ZNF626: variants seen among roughly 807,000 people sequenced by gnomAD.
ZNF626 encodes CTC-513N18.7.
Under a neutral mutation model 11.7 loss-of-function variants are expected in ZNF626, and 4 were observed. That is an observed-to-expected ratio of 0.34 (90% CI 0.17 to 0.78). The LOEUF is 0.78. ZNF626 is among the 30% of genes least tolerant of loss of function. The probability of loss-of-function intolerance (pLI) is 0.57; values close to 1 mark genes in which losing one functional copy is unlikely to be tolerated. For missense variants in ZNF626, 588 were observed against 587.1 expected (o/e 1.00, Z -0.01); for synonymous variants, 179 against 198.6 (o/e 0.90, Z 0.83).
At chr19:20,645,395 C>T (rs201829478) in intron 3 of ZNF626, 9 of 1,610,184 alleles carry the variant, frequency 5.6e-6, no homozygotes, top group Non-Finnish European at 7.6e-6. Context: ...TGTGCAGTCT[C>T]TTATATGTCA....
intron 3 of ZNF626, among the ~76,000 whole-genome samples, chr19:20,627,769 A>G (rs536085011): frequency 6.6e-6 from 1 of 152,234 alleles, no homozygotes; most frequent in East Asian, 1.9e-4. Context: ...TTTCATGTAA[A>G]TATATTTTTA....
chr19:20,632,901 C>G (rs1969922850), intron 3 of ZNF626, among the ~76,000 whole-genome samples: 1 of 152,040 alleles, frequency 6.6e-6, no homozygotes. Context: ...CTGTTTTTTT[C>G]CCATCTTTGT....
chr19:20,660,108 A>G (rs1021526876), intron 1 of ZNF626, among the ~76,000 whole-genome samples: 15 of 151,982 alleles, frequency 9.9e-5, no homozygotes, highest in African/African-American at 3.4e-4. Context: ...CTAAACACCA[A>G]AATTAGCCGG....
At chr19:20,648,036 G>A (rs554966169) in intron 1 of ZNF626, among the ~76,000 whole-genome samples, 6 of 151,584 alleles carry the variant, frequency 4.0e-5, no homozygotes, top group East Asian at 4.0e-4. Flanking sequence ...AAAATTAGCC[G>A]GGTGTTGTGG....
intron 3 of ZNF626, among the ~76,000 whole-genome samples, chr19:20,629,750 C>T (rs1427339692): frequency 6.6e-6 from 1 of 152,090 alleles, no homozygotes; most frequent in Non-Finnish European, 1.5e-5. Flanking sequence ...TTCCTCTTTT[C>T]CTAATTGAAT....
chr19:20,661,464 T>C lies in ZNF626; in HGVS notation c.-18A>G, dbSNP rs1970267518. The C allele has an allele frequency of 1.9e-6, 3 of 1,613,526 alleles. No homozygotes were observed. The highest frequency in any genetic ancestry group is 2.2e-5 in the East Asian group (1 of 44,860). ...CTCACCATTTTTGGCTTCCAGGAGG[T>C]CCCGGTGTCTTAGCTGTGGATCTCC... On this transcript the variant is annotated 5_prime_UTR_variant, in exon 1 of 4. Transcript: ENST00000601440.
At chr19:20,639,141 T>C (rs1969996547) in intron 3 of ZNF626, among the ~76,000 whole-genome samples, 1 of 152,110 alleles carries the variant, frequency 6.6e-6, no homozygotes, top group Non-Finnish European at 1.5e-5. Flanking sequence ...CCAGGTTCTT[T>C]TAAGGAACCT....
At chr19:20,638,454 T>TAAATAAAA (rs1343668030) in intron 3 of ZNF626, among the ~76,000 whole-genome samples, 2 of 150,206 alleles carry the variant, frequency 1.3e-5, no homozygotes, top group African/African-American at 4.9e-5. Flanking sequence ...AATAAATAAA[T>TAAATAAAA]AAAATTATAT....
At chr19:20,649,499 T>G (rs1555772315) in intron 1 of ZNF626, among the ~76,000 whole-genome samples, 1 of 152,106 alleles carries the variant, frequency 6.6e-6, no homozygotes, top group African/African-American at 2.4e-5. Flanking sequence ...GGAACTTAAC[T>G]CTCATGAATG....
At position 20,624,115 on chromosome 19, in the gene ZNF626, G is replaced by T; in HGVS notation, c.*175C>A. 5 of 1,081,946 alleles carry T rather than the reference G, an allele frequency of 4.6e-6. No individual in the cohort carries two copies. The highest frequency in any genetic ancestry group is 7.2e-6 in the Non-Finnish European group (5 of 698,786). 67.0% of individuals were successfully genotyped at this position (1,081,946 alleles called of 1,614,324 possible). A position where few individuals can be genotyped will look rare whatever the true frequency, so the allele number is the denominator to read the frequency against. On this transcript the variant is annotated 3_prime_UTR_variant, in exon 4 of 4. Coordinates refer to ENST00000601440, the MANE Select transcript of ZNF626 (RefSeq NM_001076675.3). ...TTCACATCTGTAGGGTTTCTCTCCA[G>T]TATGAAATCTCTTATGTGTAGTAAG...
At chr19:20,644,216 CCA>C (rs1442376215) in intron 3 of ZNF626, among the ~76,000 whole-genome samples, 7 of 152,156 alleles carry the variant, frequency 4.6e-5, no homozygotes, top group Admixed American at 1.3e-4. Context: ...ATATAGAAAC[CCA>C]CACAGTTACC....
intron 1 of ZNF626, among the ~76,000 whole-genome samples, chr19:20,651,517 T>C (rs1970146143): frequency 6.6e-6 from 1 of 152,096 alleles, no homozygotes; most frequent in Admixed American, 6.6e-5. Context: ...GAAACTCTCA[T>C]CTGGGTACCA....
Position 20,623,921 on chromosome 19 carries a change from T to C in ZNF626, c.*369A>G. 1 of 376,736 alleles carries C rather than the reference T, an allele frequency of 2.7e-6. No homozygotes were observed. Among genetic ancestry groups the C allele is most frequent in the Non-Finnish European group, 5.1e-6 (1 of 196,716 alleles). 23.3% of individuals were successfully genotyped at this position (376,736 alleles called of 1,614,324 possible). A position where few individuals can be genotyped will look rare whatever the true frequency, so the allele number is the denominator to read the frequency against. On this transcript the variant is annotated 3_prime_UTR_variant, in exon 4 of 4. Transcript: ENST00000601440. ...GTTGAGAAGTTCCTTAAAAAATCTG[T>C]CACATTCTTTATATTTGTAGAGTTT...
intron 1 of ZNF626, among the ~76,000 whole-genome samples, chr19:20,659,075 C>A (rs893071478): frequency 2.0e-5 from 3 of 152,162 alleles, no homozygotes; most frequent in Admixed American, 2.0e-4. Context: ...ATAAAATTCT[C>A]CACCTTTTGT....
chr19:20,645,774 T>C lies in ZNF626; in HGVS notation c.136A>G (p.Thr46Ala), dbSNP rs3206158. Residue 46 changes from threonine (T) to alanine (A), a missense_variant, in exon 3 of 4, where the codon ACT becomes GCT. Thr to Ala is a moderately conservative substitution (Grantham distance 58). Transcript: ENST00000601440. ...NYSNLVFLGI[T>A]VSKPDLITCL... ...GTGATCAGGTCTGGCTTAGAAACAG[T>C]AATACCTGTTTTATTAAAAATAAAT... is the stretch of plus-strand genomic sequence containing the variant. 4.4e-6 allele frequency: 7 copies of C among 1,600,674 alleles called. No homozygotes were observed. Among genetic ancestry groups the C allele is most frequent in the Non-Finnish European group, 6.0e-6 (7 of 1,175,476 alleles).
At chr19:20,646,519 T>C (rs1970080572) in intron 1 of ZNF626, 114 bp from the exon 2 acceptor site, 3 of 1,539,104 alleles carry the variant, frequency 1.9e-6, no homozygotes, top group Admixed American at 4.2e-5. Flanking sequence ...TAGGACTGAC[T>C]AAAATTATCC....
Position 20,645,631 on chromosome 19 carries a change from CT to C in ZNF626, c.226+52del, listed in dbSNP as rs558938169. 2.0e-4 allele frequency: 321 copies of C among 1,584,856 alleles called. 1 individual carries two copies. In the African/African-American group the frequency reaches 4.1e-3, roughly 20 times the overall value. On this transcript the variant is annotated intron_variant, in intron 3 of 3. Coordinates refer to ENST00000601440, the MANE Select transcript of ZNF626 (RefSeq NM_001076675.3). ...TTTAAGGACTGGCTTTCTCTTTGAC[CT>C]TGGGACCCCTTATCTGTGTCATCTG...
intron 3 of ZNF626, among the ~76,000 whole-genome samples, chr19:20,641,135 CA>C (rs141617081): frequency 7.6e-4 from 85 of 111,870 alleles, no homozygotes; most frequent in Admixed American, 9.9e-4. Flanking sequence ...GACTCCATCT[CA>C]AAAAAAAAAA....
chr19:20,661,473 C>G lies in ZNF626; in HGVS notation c.-27G>C. The G allele has an allele frequency of 1.2e-6, 2 of 1,613,378 alleles. No homozygotes were observed. Among genetic ancestry groups the G allele is most frequent in the Non-Finnish European group, 1.7e-6 (2 of 1,179,550 alleles). ...TTTGGCTTCCAGGAGGTCCCGGTGT[C>G]TTAGCTGTGGATCTCCCAATACCTG... On this transcript the variant is annotated 5_prime_UTR_variant, in exon 1 of 4. Transcript: ENST00000601440.
Sources: gnomAD v4.1 joint callset for allele counts (sites outside exome capture counted in the v4.1 genomes callset) on GRCh38, gnomAD v4.1.1 for gene constraint, MANE v1.5 for transcripts, NCBI Gene and HGNC (gene_info 2026-07-23, HGNC 2026-07-21) for gene names.